The following GNAQ variants were observed in gnomAD, a reference collection of about 807,000 sequenced individuals.
GNAQ encodes guanine nucleotide-binding protein G(q) subunit alpha.
In GNAQ, 8 loss-of-function variants were observed where a neutral mutation model predicts 43.9. The ratio of observed to expected loss-of-function variants is 0.18; its 90% CI spans 0.11 to 0.33. GNAQ has a LOEUF of 0.33. Among genes scored for constraint, GNAQ ranks in the 10% least tolerant of loss-of-function variants. The pLI, the probability that GNAQ is intolerant of heterozygous loss-of-function variation, is 1.00. For missense variants in GNAQ, 158 were observed against 450.8 expected, an observed-to-expected ratio of 0.35 and a Z score of 5.88; for synonymous variants, 155 against 170.7, an observed-to-expected ratio of 0.91 and a Z score of 0.71.
chr9:77,915,410 T>C (rs1327273536), intron 2 of GNAQ, among the ~76,000 whole-genome samples: 1 of 152,230 alleles, frequency 6.6e-6, no homozygotes, highest in African/African-American at 2.4e-5. Context: ...TTTCCTTAAA[T>C]ACCTCCTAAA....
At chr9:77,823,847 G>A (rs986235873) in intron 2 of GNAQ, among the ~76,000 whole-genome samples, 2 of 152,026 alleles carry the variant, frequency 1.3e-5, no homozygotes, top group Non-Finnish European at 2.9e-5. Flanking sequence ...GTTTGGGTGG[G>A]GACACAGAGC....
intron 5 of GNAQ, among the ~76,000 whole-genome samples, chr9:77,735,607 T>C (rs906620129): frequency 6.6e-5 from 10 of 152,200 alleles, no homozygotes; most frequent in African/African-American, 2.4e-4. Context: ...CAGGATCACA[T>C]TGTTATGTGT....
intron 2 of GNAQ, among the ~76,000 whole-genome samples, chr9:77,917,566 A>C (rs1450622600): frequency 1.3e-5 from 2 of 152,166 alleles, no homozygotes; most frequent in East Asian, 3.9e-4. Flanking sequence ...AATAACAGGG[A>C]TAAAAATTCT....
chr9:77,927,775 T>C (rs1829091121), intron 1 of GNAQ, among the ~76,000 whole-genome samples: 1 of 152,284 alleles, frequency 6.6e-6, no homozygotes, highest in African/African-American at 2.4e-5. Context: ...TATCTGGAGA[T>C]ATTGTCAAAC....
At chr9:77,955,019 C>T (rs957915801) in intron 1 of GNAQ, among the ~76,000 whole-genome samples, 1 of 152,138 alleles carries the variant, frequency 6.6e-6, no homozygotes, top group Non-Finnish European at 1.5e-5. Flanking sequence ...AGTAACTGGC[C>T]AGATCATAAG....
intron 2 of GNAQ, among the ~76,000 whole-genome samples, chr9:77,921,601 G>A (rs1828997642): frequency 6.6e-6 from 1 of 152,192 alleles, no homozygotes; most frequent in African/African-American, 2.4e-5. Context: ...AGTGGTTTTA[G>A]AAGTTTCTGT....
intron 6 of GNAQ, among the ~76,000 whole-genome samples, chr9:77,723,629 C>T (rs1367602457): frequency 6.6e-6 from 1 of 152,192 alleles, no homozygotes; most frequent in African/African-American, 2.4e-5. Context: ...AAAGCTCTGA[C>T]AGATGCTGTA....
intron 5 of GNAQ, among the ~76,000 whole-genome samples, chr9:77,774,999 T>C (rs544231637): frequency 1.3e-5 from 2 of 152,300 alleles, no homozygotes; most frequent in East Asian, 1.9e-4. Context: ...ATAATAAATA[T>C]CTGTATTATA....
intron 2 of GNAQ, among the ~76,000 whole-genome samples, chr9:77,842,449 T>C (rs527616155): frequency 4.5e-4 from 69 of 152,288 alleles, no homozygotes; most frequent in African/African-American, 1.5e-3. Context: ...AGACATGCTA[T>C]TGGGTGGAAT....
intron 5 of GNAQ, among the ~76,000 whole-genome samples, chr9:77,772,363 T>C (rs1322686772): frequency 6.6e-6 from 1 of 152,206 alleles, no homozygotes; most frequent in African/African-American, 2.4e-5. Context: ...AACTCCCAGG[T>C]TGGAAAAGAT....
At chr9:77,887,259 C>A (rs1190663060) in intron 2 of GNAQ, among the ~76,000 whole-genome samples, 1 of 152,156 alleles carries the variant, frequency 6.6e-6, no homozygotes, top group Non-Finnish European at 1.5e-5. Context: ...AATCAAGATT[C>A]CTGAATAATG....
chr9:77,767,449 G>C (rs1304256472), intron 5 of GNAQ, among the ~76,000 whole-genome samples: 1 of 152,108 alleles, frequency 6.6e-6, no homozygotes, highest in African/African-American at 2.4e-5. Flanking sequence ...GCAGTCAGCT[G>C]CTCTGGTAGT....
intron 1 of GNAQ, among the ~76,000 whole-genome samples, chr9:78,030,856 GCCC>G (rs1292791682): frequency 6.6e-6 from 1 of 151,966 alleles, no homozygotes; most frequent in Non-Finnish European, 1.5e-5. Flanking sequence ...GGGCAGGGCA[GCCC>G]CGACCCCTGT....
chr9:77,781,016 C>A (rs1435231771), intron 5 of GNAQ, among the ~76,000 whole-genome samples: 2 of 150,386 alleles, frequency 1.3e-5, no homozygotes, highest in East Asian at 3.9e-4. Flanking sequence ...TATATATTAA[C>A]CCCCTGTTGG....
chr9:77,770,914 AAC>A (rs1826213288), intron 5 of GNAQ, among the ~76,000 whole-genome samples: 1 of 152,106 alleles, frequency 6.6e-6, no homozygotes, highest in African/African-American at 2.4e-5. Context: ...TGAAAAATAA[AAC>A]ATTTTTCATT....
intron 1 of GNAQ, among the ~76,000 whole-genome samples, chr9:77,925,025 C>T (rs1829049512): frequency 6.6e-6 from 1 of 152,160 alleles, no homozygotes; most frequent in Non-Finnish European, 1.5e-5. Flanking sequence ...TGCTATGTTG[C>T]CTTCAAAAGG....
intron 5 of GNAQ, among the ~76,000 whole-genome samples, chr9:77,769,894 C>T (rs1826194893): frequency 6.6e-6 from 1 of 152,014 alleles, no homozygotes; most frequent in Non-Finnish European, 1.5e-5. Context: ...TCTCGATCTC[C>T]TGACCTCGTG....
intron 2 of GNAQ, among the ~76,000 whole-genome samples, chr9:77,884,303 T>G (rs1828265602): frequency 6.6e-6 from 1 of 152,232 alleles, no homozygotes; most frequent in South Asian, 2.1e-4. Flanking sequence ...CTGAGCCAGC[T>G]GCCTTGAGGA....
At chr9:77,855,071 A>AG (rs1459008456) in intron 2 of GNAQ, among the ~76,000 whole-genome samples, 1 of 152,184 alleles carries the variant, frequency 6.6e-6, no homozygotes, top group Admixed American at 6.5e-5. Flanking sequence ...CAGTATCAAT[A>AG]GTGTGCCCTA....
Sources: allele counts gnomAD v4.1 joint callset (sites outside exome capture counted in the v4.1 genomes callset), GRCh38; gene constraint gnomAD v4.1.1; transcripts MANE v1.5; gene names NCBI Gene and HGNC (gene_info 2026-07-23, HGNC 2026-07-21).